STK3: variants seen among roughly 807,000 people sequenced by gnomAD.
The protein encoded by STK3 is serine/threonine-protein kinase 3.
A neutral mutation model predicts 58.0 loss-of-function variants in STK3; 41 were observed. That is an observed-to-expected ratio of 0.71 (90% CI 0.55 to 0.92). STK3 has a LOEUF of 0.92. Among genes scored for constraint, STK3 ranks in the 40% least tolerant of loss-of-function variants. The pLI, the probability that STK3 is intolerant of heterozygous loss-of-function variation, is 0.00. For missense variants in STK3, 479 were observed against 602.7 expected, an observed-to-expected ratio of 0.79 and a Z score of 2.15; for synonymous variants, 170 against 191.0, an observed-to-expected ratio of 0.89 and a Z score of 0.91.
intron 3 of STK3, among the ~76,000 whole-genome samples, chr8:98,876,779 T>C (rs1182233186): frequency 6.6e-6 from 1 of 152,224 alleles, no homozygotes; most frequent in Non-Finnish European, 1.5e-5. Flanking sequence ...AGTCTCTCTG[T>C]TTCAGCTTCT....
intron 3 of STK3, among the ~76,000 whole-genome samples, chr8:98,840,932 C>A (rs1194107620): frequency 6.6e-6 from 1 of 152,126 alleles, no homozygotes; most frequent in Non-Finnish European, 1.5e-5. Context: ...CTTCCAAGCT[C>A]ATTCAGGTGT....
chr8:98,612,410 CAT>C (rs931737761), intron 6 of STK3, among the ~76,000 whole-genome samples: 5 of 149,624 alleles, frequency 3.3e-5, no homozygotes, highest in African/African-American at 1.2e-4. Context: ...CACACACACA[CAT>C]ATGAATTCTA....
intron 4 of STK3, among the ~76,000 whole-genome samples, chr8:98,707,942 C>T (rs1826080307): frequency 6.6e-6 from 1 of 151,848 alleles, no homozygotes; most frequent in Non-Finnish European, 1.5e-5. Flanking sequence ...AGTTCAAAAC[C>T]AGCCTGGCCC....
chr8:98,380,963 CTTTTTTTTTTT>C (rs33934435), intron 1 of STK3, among the ~76,000 whole-genome samples: 1 of 44,096 alleles, frequency 2.3e-5, no homozygotes, highest in Non-Finnish European at 4.0e-5. Context: ...TCTCTCTCTC[CTTTTTTTTTTT>C]TTTTTTTTTT....
At chr8:98,652,615 C>G (rs564239212) in intron 6 of STK3, among the ~76,000 whole-genome samples, 166 of 143,550 alleles carry the variant, frequency 1.2e-3, no homozygotes, top group African/African-American at 4.1e-3. Context: ...CACATAGGCT[C>G]AAAATAAAAG....
the STK3 span, among the ~76,000 whole-genome samples, chr8:98,352,943 T>C: frequency 6.6e-6 from 1 of 152,224 alleles, no homozygotes; most frequent in Non-Finnish European, 1.5e-5. Context: ...GTCAATGATA[T>C]ACTTTTTGCT....
rs545683264 is a variant in STK3, at chr8:98,588,636, C to T, written c.822+7396G>A. On this transcript the variant is annotated intron_variant, in intron 7 of 10. Transcript: ENST00000419617. ...GTTCTCTGTATTTCCTGAATCTGAA[C>T]GTTGGCCTGCCTTGCTAGATTGGGG... Among the ~76,000 whole-genome samples the T allele has an allele frequency of 3.1e-3, 470 of 151,846 alleles. 7 individuals carry two copies. The highest frequency in any genetic ancestry group is 8.1e-4 in the Non-Finnish European group (55 of 67,892).
intron 6 of STK3, among the ~76,000 whole-genome samples, chr8:98,614,268 T>C (rs997867379): frequency 2.0e-5 from 3 of 152,002 alleles, no homozygotes; most frequent in African/African-American, 2.4e-5. Context: ...AGAGAGAACA[T>C]ATACTGAGGC....
exon 1 of STK3, chr8:98,942,610 C>A (rs1397799152): frequency 6.6e-6 from 1 of 152,208 alleles, no homozygotes; most frequent in African/African-American, 2.4e-5. Context: ...AGGTGTGAAG[C>A]CCGCTGCTGG....
chr8:98,929,434 A>C (rs1433674812), intron 1 of STK3, among the ~76,000 whole-genome samples: 1 of 152,172 alleles, frequency 6.6e-6, no homozygotes, highest in Non-Finnish European at 1.5e-5. Flanking sequence ...AAGGCAGAGG[A>C]TTGCTTGAGC....
chr8:98,880,663 G>A (rs1218136867), downstream of STK3: 1 of 152,170 alleles, frequency 6.6e-6, no homozygotes, highest in Non-Finnish European at 1.5e-5. Context: ...ATGGGCAAAA[G>A]ACATGAAAAG....
At chr8:98,702,994 T>C (rs1230202631) in intron 6 of STK3, among the ~76,000 whole-genome samples, 1 of 152,212 alleles carries the variant, frequency 6.6e-6, no homozygotes, top group Non-Finnish European at 1.5e-5. Flanking sequence ...TTTGTCTCAT[T>C]GTGGCAACTT....
rs545291630 is a variant in STK3 at position 98,650,769 on chromosome 8, T to C, written c.685-54600A>G. On this transcript the variant is annotated intron_variant, in intron 6 of 10. Transcript: ENST00000419617. ...AGCAGTCTGAGATCAAACTGCAAGG[T>C]GGCAGCGAGGCTGGGGGAGGGGCGC... Among the ~76,000 whole-genome samples the C allele has an allele frequency of 9.4e-3, 1,428 of 152,244 alleles. 18 individuals carry two copies. The highest frequency in any genetic ancestry group is 0.032 in the African/African-American group (1,343 of 41,556).
intron 3 of STK3, among the ~76,000 whole-genome samples, chr8:98,840,350 T>TAA (rs775446064): frequency 9.9e-6 from 1 of 100,826 alleles, no homozygotes. Flanking sequence ...AGACTCTGGT[T>TAA]AAAAAAAAAA....
At chr8:98,599,436 G>A (rs1816134827) in intron 6 of STK3, among the ~76,000 whole-genome samples, 1 of 151,878 alleles carries the variant, frequency 6.6e-6, no homozygotes, top group African/African-American at 2.4e-5. Flanking sequence ...TGTGGCTTTA[G>A]TATCATTTTG....
chr8:98,459,060 T>A (rs1463442809), intron 10 of STK3, among the ~76,000 whole-genome samples: 1 of 152,142 alleles, frequency 6.6e-6, no homozygotes, highest in Admixed American at 6.6e-5. Flanking sequence ...TCAGAAGAAG[T>A]TAAGAAGATG....
At chr8:98,672,190 C>A (rs1822880546) in intron 6 of STK3, among the ~76,000 whole-genome samples, 1 of 151,962 alleles carries the variant, frequency 6.6e-6, no homozygotes, top group Non-Finnish European at 1.5e-5. Context: ...CAAGTGATCC[C>A]CCAACCTCAG....
the STK3 span, among the ~76,000 whole-genome samples, chr8:98,359,533 A>AAAAAAGAAAG: frequency 2.1e-5 from 3 of 142,398 alleles, no homozygotes; most frequent in African/African-American, 7.9e-5. Context: ...AAAAAAAAAA[A>AAAAAAGAAAG]AAAGAAAGAA....
At chr8:98,835,800 C>A (rs565958956) in intron 3 of STK3, among the ~76,000 whole-genome samples, 1 of 152,202 alleles carries the variant, frequency 6.6e-6, no homozygotes, top group Non-Finnish European at 1.5e-5. Flanking sequence ...TGGGGGGCCT[C>A]TTCCTTGGAT....
Sources: allele counts gnomAD v4.1 joint callset (sites outside exome capture counted in the v4.1 genomes callset), GRCh38; gene constraint gnomAD v4.1.1; transcripts MANE v1.5; gene names NCBI Gene and HGNC (gene_info 2026-07-23, HGNC 2026-07-21).